PFKP: variants seen among roughly 807,000 people sequenced by gnomAD.
The protein encoded by PFKP is phosphofructokinase, platelet.
PFKP carries 101 observed loss-of-function variants against 94.3 expected under a neutral mutation model. The observed-to-expected ratio is 1.07, with a 90% CI of 0.91 to 1.26. PFKP has a LOEUF of 1.26. Among genes scored for constraint, PFKP ranks in the 50% most tolerant of loss-of-function variants. The pLI, the probability that PFKP is intolerant of heterozygous loss-of-function variation, is 0.00. For synonymous variants in PFKP, 573 were observed against 432.6 expected (o/e 1.32, Z -4.03); for missense variants, 1,145 against 1,103.3 (o/e 1.04, Z -0.53).
chr10:3,125,075 C>T (rs1588548341), intron 16 of PFKP: 1 of 1,227,664 alleles, frequency 8.1e-7, no homozygotes, highest in Non-Finnish European at 1.0e-6. Flanking sequence ...CCCCCGCTAA[C>T]CGCTTGGCCC....
rs957358993 is a variant in PFKP at position 3,103,860 on chromosome 10, G to C, written c.536G>C (p.Cys179Ser). The C allele has an allele frequency of 1.1e-5, 17 of 1,613,914 alleles. No individual in the cohort carries two copies. Among genetic ancestry groups the C allele is most frequent in the Non-Finnish European group, 1.3e-5 (15 of 1,180,044 alleles). ...GMVGSIDNDF[C>S]GTDMTIGTDS... ...GTGGGCTCCATCGACAATGATTTCT[G>C]CGGCACCGACATGACCATCGGCACG... Residue 179 changes from cysteine to serine, a missense_variant, in exon 5 of 22, where the codon TGC (cysteine) becomes TCC (serine). Coordinates refer to ENST00000381125, the MANE Select transcript of PFKP (RefSeq NM_002627.5).
At chr10:3,110,748 CTG>C (rs1836124073) in intron 10 of PFKP, among the ~76,000 whole-genome samples, 5 of 151,580 alleles carry the variant, frequency 3.3e-5, no homozygotes, top group African/African-American at 9.7e-5. Context: ...ATGTGTATCT[CTG>C]TATATGCATA....
At chr10:3,107,116 A>G (rs113442179) in intron 7 of PFKP, 98 bp from the exon 8 acceptor site, 1 of 732,330 alleles carries the variant, frequency 1.4e-6, no homozygotes. Context: ...GCCCAGAAAG[A>G]GGCCAGTTCA....
chr10:3,122,792 C>A (rs1837559683), intron 16 of PFKP, among the ~76,000 whole-genome samples: 1 of 152,118 alleles, frequency 6.6e-6, no homozygotes. Flanking sequence ...CTCATGGGGG[C>A]AGGGGTGGTG....
chr10:3,130,881 T>A (rs879719972), intron 17 of PFKP, among the ~76,000 whole-genome samples: 36,398 of 152,042 alleles, frequency 0.24, 4,389 homozygotes, highest in East Asian at 0.3. Flanking sequence ...AAAGTTAGGA[T>A]GTTACTTGTT....
At position 3,132,439 on chromosome 10, in the gene PFKP, C is replaced by T; in HGVS notation, c.1908C>T (p.Leu636=). 5 of 1,606,702 alleles carry T rather than the reference C, an allele frequency of 3.1e-6. No homozygotes were observed. The highest frequency in any genetic ancestry group is 4.3e-6 in the Non-Finnish European group (5 of 1,173,330). The change falls in exon 18 of 22, where the codon CTC becomes CTT. Residue 636 remains leucine, a splice_region_variant and synonymous_variant. Coordinates refer to ENST00000381125, the MANE Select transcript of PFKP (RefSeq NM_002627.5). ...MKTTIQRGLV[L]RNESCSENYT... is the part of the protein sequence containing the mutation. ...CCACCATCCAGAGAGGCCTTGTGCT[C>T]AGGTGAGAGAGAGAGACCAGGGGCT...
chr10:3,134,201 G>C (rs1171439273), intron 19 of PFKP, among the ~76,000 whole-genome samples: 1 of 152,218 alleles, frequency 6.6e-6, no homozygotes, highest in African/African-American at 2.4e-5. Flanking sequence ...CCCCAGCTCA[G>C]ATGAGTTCAT....
In PFKP at chr10:3,136,785, A is replaced by C; in HGVS notation, c.*206A>C. On this transcript the variant is annotated 3_prime_UTR_variant, in exon 22 of 22. Coordinates refer to ENST00000381125, the MANE Select transcript of PFKP (RefSeq NM_002627.5). Reference sequence around the variant, plus strand: ...TGCATATGAGCAGAATTAATTAAACATTTGCCTATGACTCCAACAGTCCTC... The same window carrying C: ...TGCATATGAGCAGAATTAATTAAACCTTTGCCTATGACTCCAACAGTCCTC... 2.1e-6 allele frequency: 1 copy of C among 479,104 alleles called. No homozygotes were observed. Among genetic ancestry groups the C allele is most frequent in the Admixed American group, 3.5e-5 (1 of 28,206 alleles). The allele number at this position is 479,104 out of a possible 1,614,324, so 29.7% of individuals were successfully genotyped here. A position where few individuals can be genotyped will look rare whatever the true frequency, so the allele number is the denominator to read the frequency against.
At position 3,107,325 on chromosome 10, in the gene PFKP, T is replaced by A; in HGVS notation, c.870+16T>A. The A allele has an allele frequency of 6.7e-7, 1 of 1,491,116 alleles. No homozygotes were observed. The highest frequency in any genetic ancestry group is 9.4e-7 in the Non-Finnish European group (1 of 1,068,606). The allele number at this position is 1,491,116 out of a possible 1,614,324, so 92.4% of individuals were successfully genotyped here. A position where few individuals can be genotyped will look rare whatever the true frequency, so the allele number is the denominator to read the frequency against. On this transcript the variant is annotated intron_variant, in intron 8 of 21. Transcript: ENST00000381125. ...AATCAAAGAGGTGAGTGTGTGTAGC[T>A]GCTCACTTTCTCTCGGTTTCTGCCT...
At position 3,112,283 on chromosome 10, in the gene PFKP, G is replaced by T. The variant is rs751108808; in HGVS notation, c.1151G>T (p.Gly384Val). The change falls in exon 11 of 22, where the codon GGG (glycine) becomes GTG (valine). Residue 384 changes from glycine to valine, a missense_variant. Physicochemically the swap from Gly to Val is moderately radical, Grantham distance 109. This residue lies in a region of PFKP where 1,119 missense variants were observed against 1,062.8 expected (regional missense o/e 1.05). Coordinates refer to ENST00000381125, the MANE Select transcript of PFKP (RefSeq NM_002627.5). ...TTTCAAGATGCGGTTCGACTCCGAG[G>T]GAGGTGAGGTGCTTTGGAGAAAGCT... ...RRFQDAVRLR[G>V]RSFAGNLNTY... The T allele has an allele frequency of 6.2e-7, 1 of 1,612,736 alleles. No homozygotes were observed. The highest frequency in any genetic ancestry group is 8.5e-7 in the Non-Finnish European group (1 of 1,178,668).
intron 2 of PFKP, among the ~76,000 whole-genome samples, chr10:3,089,399 G>A (rs769645600): frequency 7.2e-5 from 11 of 152,220 alleles, no homozygotes; most frequent in Admixed American, 2.0e-4. Flanking sequence ...CTGTTGTGAT[G>A]GGGAGTGAAT....
At chr10:3,097,295 C>T (rs939914610) in intron 2 of PFKP, among the ~76,000 whole-genome samples, 5 of 151,844 alleles carry the variant, frequency 3.3e-5, no homozygotes, top group Non-Finnish European at 7.4e-5. Context: ...ACAGAGCATC[C>T]GCAGCAGGAC....
rs1839434182 is a variant in PFKP at position 3,136,800 on chromosome 10, C to T, written c.*221C>T. ...TTAATTAAACATTTGCCTATGACTC[C>T]AACAGTCCTCTGTTTTAGTTTTTTA... On this transcript the variant is annotated 3_prime_UTR_variant, in exon 22 of 22. Transcript: ENST00000381125. 14 of 429,908 alleles carry T rather than the reference C, an allele frequency of 3.3e-5. No homozygotes were observed. Among genetic ancestry groups the T allele is most frequent in the South Asian group, 2.8e-4 (11 of 39,956 alleles). 26.6% of individuals were successfully genotyped at this position (429,908 alleles called of 1,614,324 possible).
chr10:3,120,114 C>T, intron 16 of PFKP, 70 bp downstream of exon 16: 2 of 1,276,672 alleles, frequency 1.6e-6, no homozygotes, highest in Non-Finnish European at 2.3e-6. Context: ...CCCTTTTTAT[C>T]TACCAGTGCG....
intron 2 of PFKP, among the ~76,000 whole-genome samples, chr10:3,092,308 G>A (rs527900448): frequency 6.6e-6 from 1 of 152,208 alleles, no homozygotes; most frequent in Non-Finnish European, 1.5e-5. Context: ...GAATTGATTG[G>A]CATCATGCTT....
chr10:3,075,856 G>T (rs112242452), intron 1 of PFKP, among the ~76,000 whole-genome samples: 5,655 of 146,004 alleles, frequency 0.039, 172 homozygotes, highest in Non-Finnish European at 0.056. Context: ...AGTGAGCTGT[G>T]ACTGCACCAG....
At chr10:3,110,355 C>T (rs976324656) in intron 10 of PFKP, among the ~76,000 whole-genome samples, 15 of 146,336 alleles carry the variant, frequency 1.0e-4, no homozygotes, top group Admixed American at 1.4e-4. Flanking sequence ...CCCACCACCA[C>T]GCCTGGCTAA....
At position 3,118,874 on chromosome 10, in the gene PFKP, G is replaced by GGT. The variant is rs1281262911; in HGVS notation, c.1530+5_1530+6insGT. 2.5e-6 allele frequency: 4 copies of GGT among 1,608,842 alleles called. No individual in the cohort carries two copies. Among genetic ancestry groups the GGT allele is most frequent in the Non-Finnish European group, 3.4e-6 (4 of 1,175,972 alleles). ...CTGATCATCGGTGGATTCGAGGTACGTTACCGTTTCTCTCTTGCCGGTCTT... is the reference window on the plus strand; with the variant it reads ...CTGATCATCGGTGGATTCGAGGTACGGTTTACCGTTTCTCTCTTGCCGGTCTT... On this transcript the variant is annotated splice_donor_region_variant and intron_variant, in intron 15 of 21. Transcript: ENST00000381125.
At position 3,135,753 on chromosome 10, in the gene PFKP, G is replaced by C. The variant is rs770151566; in HGVS notation, c.2140G>C (p.Asp714His). 4 of 1,610,640 alleles carry C rather than the reference G, an allele frequency of 2.5e-6. No homozygotes were observed. Among genetic ancestry groups the C allele is most frequent in the East Asian group, 2.2e-5 (1 of 44,860 alleles). ...ARGRGKKFTT[D>H]DSICVLGISK... ...TTTTATAGGAAAAAAATTTACCACC[G>C]ATGATTCCATTTGTGTGCTGGGAAT... Residue 714 changes from aspartate (D) to histidine (H), a missense_variant, in exon 21 of 22, where the codon GAT (aspartate) becomes CAT (histidine). This residue lies in a region of PFKP where 1,119 missense variants were observed against 1,062.8 expected (regional missense o/e 1.05). Coordinates refer to ENST00000381125, the MANE Select transcript of PFKP (RefSeq NM_002627.5).
Sources: allele counts gnomAD v4.1 joint callset (sites outside exome capture counted in the v4.1 genomes callset), GRCh38; gene constraint gnomAD v4.1.1; regional missense constraint gnomAD v4.1.1; transcripts MANE v1.5; gene names NCBI Gene and HGNC (gene_info 2026-07-23, HGNC 2026-07-21).